Variants in NYAP2 observed in about 807,000 individuals in gnomAD.
The protein encoded by NYAP2 is neuronal tyrosine-phosphorylated phosphoinositide-3-kinase adapter 2.
A neutral mutation model predicts 50.4 loss-of-function variants in NYAP2; 23 were observed. The observed-to-expected ratio is 0.46, with a 90% confidence interval of 0.33 to 0.65. The LOEUF (loss-of-function observed/expected upper bound fraction) is 0.65. Among genes scored for constraint, NYAP2 ranks in the 30% least tolerant of loss-of-function variants. The pLI, the probability that NYAP2 is intolerant of heterozygous loss-of-function variation, is 0.02. For missense variants in NYAP2, 885 were observed against 861.0 expected, an observed-to-expected ratio of 1.03 and a Z score of -0.35; for synonymous variants, 394 against 365.2, an observed-to-expected ratio of 1.08 and a Z score of -0.90.
At chr2:225,657,056 G>A (rs1241371309), downstream of NYAP2, among the ~76,000 whole-genome samples, 1 of 151,562 alleles carries the variant, frequency 6.6e-6, no homozygotes, top group Admixed American at 6.6e-5. Context: ...ACAACAAAGG[G>A]AGCCAGGAGA....
intron 4 of NYAP2, among the ~76,000 whole-genome samples, chr2:225,543,825 G>A (rs1691520149): frequency 6.6e-6 from 1 of 151,982 alleles, no homozygotes; most frequent in Non-Finnish European, 1.5e-5. Flanking sequence ...CTTTCCGTCT[G>A]GGAGATCTGT....
At chr2:225,595,856 C>A (rs1379243541) in intron 5 of NYAP2, among the ~76,000 whole-genome samples, 2 of 152,192 alleles carry the variant, frequency 1.3e-5, no homozygotes, top group Non-Finnish European at 1.5e-5. Context: ...TCCATTTCTT[C>A]TCCCTCATTC....
At position 225,505,008 on chromosome 2, in the gene NYAP2, G is replaced by A. The variant is rs371930484; in HGVS notation, c.222-8363G>A. On this transcript the variant is annotated intron_variant, in intron 3 of 6. Transcript: ENST00000636099. ...GGGTGACGGAGCAAGACTGCGTCTC[G>A]AAAAAAAAAAAAATCATCATCATCA... Among the ~76,000 whole-genome samples the A allele has an allele frequency of 9.9e-3, 1,411 of 142,950 alleles. 24 individuals carry two copies. Among genetic ancestry groups the A allele is most frequent in the African/African-American group, 0.035 (1,347 of 38,970 alleles). The allele number at this position is 142,950 out of a possible 152,430, so 93.8% of individuals were successfully genotyped here.
the NYAP2 span, chr2:225,702,601 G>A: frequency 6.6e-6 from 1 of 151,500 alleles, no homozygotes; most frequent in South Asian, 2.1e-4. Context: ...GCCTCGATGT[G>A]TGCATATATA....
At chr2:225,640,774 T>C (rs1693513280) in intron 6 of NYAP2, among the ~76,000 whole-genome samples, 1 of 152,208 alleles carries the variant, frequency 6.6e-6, no homozygotes, top group African/African-American at 2.4e-5. Context: ...TGTTACCATA[T>C]TTTATATATG....
chr2:225,404,811 C>G (rs1483227988), intron 2 of NYAP2, among the ~76,000 whole-genome samples: 1 of 151,884 alleles, frequency 6.6e-6, no homozygotes, highest in Non-Finnish European at 1.5e-5. Flanking sequence ...AAAACTTAAA[C>G]AAAAAGAGTC....
At chr2:225,587,801 T>C (rs1424166750) in intron 5 of NYAP2, among the ~76,000 whole-genome samples, 1 of 144,946 alleles carries the variant, frequency 6.9e-6, no homozygotes, top group Admixed American at 7.3e-5. Flanking sequence ...TCATTATTAT[T>C]AAAAGAGAAA....
chr2:225,645,464 CCT>C (rs1219072239), intron 6 of NYAP2, among the ~76,000 whole-genome samples: 1 of 152,042 alleles, frequency 6.6e-6, no homozygotes, highest in South Asian at 2.1e-4. Context: ...CCTTTTCCTT[CCT>C]CTCTGTTTCC....
intron 3 of NYAP2, among the ~76,000 whole-genome samples, chr2:225,478,768 G>A (rs1690160326): frequency 6.6e-6 from 1 of 152,196 alleles, no homozygotes; most frequent in African/African-American, 2.4e-5. Flanking sequence ...GACCCTGTTG[G>A]AGGGTGGTGA....
intron 4 of NYAP2, among the ~76,000 whole-genome samples, chr2:225,570,009 G>A (rs146551872): frequency 4.1e-4 from 63 of 152,320 alleles, no homozygotes; most frequent in African/African-American, 1.5e-3. Flanking sequence ...CTGAGGAAAT[G>A]TCTGCAGCAC....
At chr2:225,642,740 C>T (rs1165662441) in intron 6 of NYAP2, among the ~76,000 whole-genome samples, 1 of 152,050 alleles carries the variant, frequency 6.6e-6, no homozygotes, top group Non-Finnish European at 1.5e-5. Flanking sequence ...ACCATAAGAA[C>T]TAAGATAACT....
intron 4 of NYAP2, among the ~76,000 whole-genome samples, chr2:225,545,745 C>G (rs1691568397): frequency 6.6e-6 from 1 of 152,032 alleles, no homozygotes. Flanking sequence ...GGTCTTTCTC[C>G]TGTCGATATC....
intron 3 of NYAP2, among the ~76,000 whole-genome samples, chr2:225,442,355 A>C (rs535322404): frequency 2.0e-5 from 3 of 152,186 alleles, no homozygotes; most frequent in Admixed American, 6.5e-5. Flanking sequence ...AGCTTATTAA[A>C]ATCTGAAGCC....
At chr2:225,546,497 G>T (rs1691587281) in intron 4 of NYAP2, among the ~76,000 whole-genome samples, 1 of 151,948 alleles carries the variant, frequency 6.6e-6, no homozygotes, top group South Asian at 2.1e-4. Flanking sequence ...GTACTGTCAG[G>T]CTACTGCCGA....
intron 3 of NYAP2, among the ~76,000 whole-genome samples, chr2:225,486,956 C>A (rs1559193268): frequency 6.6e-6 from 1 of 152,192 alleles, no homozygotes; most frequent in Admixed American, 6.5e-5. Context: ...GAGAACACCA[C>A]TGGGATTGGA....
At chr2:225,521,633 C>T (rs71429166) in intron 4 of NYAP2, among the ~76,000 whole-genome samples, 32,587 of 151,222 alleles carry the variant, frequency 0.22, 3,456 homozygotes, top group Middle Eastern at 0.23. Flanking sequence ...CCCACTTGAT[C>T]ATGGTGGATA....
intron 5 of NYAP2, among the ~76,000 whole-genome samples, chr2:225,589,088 T>C (rs1040376422): frequency 2.6e-5 from 4 of 152,020 alleles, no homozygotes; most frequent in South Asian, 2.1e-4. Context: ...CTAATTGTAA[T>C]ATCAAATCAA....
chr2:225,550,288 A>C (rs1691648718), intron 4 of NYAP2, among the ~76,000 whole-genome samples: 1 of 109,778 alleles, frequency 9.1e-6, no homozygotes, highest in Non-Finnish European at 1.8e-5. Flanking sequence ...TTCTTTGAGT[A>C]CCCATATAAC....
chr2:225,669,954 C>T, the NYAP2 span, among the ~76,000 whole-genome samples: 2 of 152,062 alleles, frequency 1.3e-5, no homozygotes, highest in Admixed American at 1.3e-4. Flanking sequence ...TGAAGTACAC[C>T]CAGGTTGCAG....
Sources: gnomAD v4.1 joint callset for allele counts (sites outside exome capture counted in the v4.1 genomes callset) on GRCh38, gnomAD v4.1.1 for gene constraint, MANE v1.5 for transcripts, NCBI Gene and HGNC (gene_info 2026-07-23, HGNC 2026-07-21) for gene names.